SPAG9: variants seen among roughly 807,000 people sequenced by gnomAD.
SPAG9 encodes the protein C-Jun-amino-terminal kinase-interacting protein 4.
SPAG9 carries 35 observed loss-of-function variants against 166.5 expected under a neutral mutation model. The ratio of observed to expected loss-of-function variants is 0.21; its 90% CI spans 0.16 to 0.28. The LOEUF (loss-of-function observed/expected upper bound fraction) is 0.28. Among genes scored for constraint, SPAG9 ranks in the 10% least tolerant of loss-of-function variants. SPAG9 has a pLI of 1.00. For missense variants in SPAG9, 1,235 were observed against 1,603.3 expected (o/e 0.77, Z 3.92); for synonymous variants, 534 against 565.5 (o/e 0.94, Z 0.79).
At chr17:50,970,906 C>T (rs763970997) in intron 28 of SPAG9, 50 bp from the exon 29 acceptor site, 93 of 1,470,890 alleles carry the variant, frequency 6.3e-5, no homozygotes, top group Non-Finnish European at 7.1e-5. Context: ...AGAAGGGAGG[C>T]TGTTTTGTTT....
At chr17:51,014,450 T>C (rs1156348824) in intron 8 of SPAG9, 97 bp from the exon 9 acceptor site, 17 of 971,452 alleles carry the variant, frequency 1.7e-5, no homozygotes, top group Non-Finnish European at 2.4e-5. Flanking sequence ...TAGGACTTTC[T>C]TACCTATAAT....
At chr17:51,068,089 A>G (rs1448074049) in intron 2 of SPAG9, among the ~76,000 whole-genome samples, 1 of 152,236 alleles carries the variant, frequency 6.6e-6, no homozygotes, top group Non-Finnish European at 1.5e-5. Flanking sequence ...AAAAGGAATC[A>G]TCAGTTTTTA....
intron 2 of SPAG9, among the ~76,000 whole-genome samples, chr17:51,059,756 G>T (rs2047452970): frequency 6.7e-6 from 1 of 148,742 alleles, no homozygotes; most frequent in African/African-American, 2.5e-5. Flanking sequence ...GCGACAGAGT[G>T]TGACTCCATC....
At position 50,985,791 on chromosome 17, in the gene SPAG9, A is replaced by T. The variant is rs1975004449; in HGVS notation, c.2940-13T>A. On this transcript the variant is annotated splice_polypyrimidine_tract_variant and intron_variant, in intron 22 of 29. Coordinates refer to ENST00000262013, the MANE Select transcript of SPAG9 (RefSeq NM_001130528.3). ...ATGGACATACAAACTGTAAGAACAAAGTCAACACTGGTAAGGCATAGAGAA... is the reference window on the plus strand; with the variant it reads ...ATGGACATACAAACTGTAAGAACAATGTCAACACTGGTAAGGCATAGAGAA... 6.6e-7 allele frequency: 1 copy of T among 1,512,592 alleles called. No homozygotes were observed. The highest frequency in any genetic ancestry group is 9.2e-7 in the Non-Finnish European group (1 of 1,090,268). The allele number at this position is 1,512,592 out of a possible 1,614,324, so 93.7% of individuals were successfully genotyped here.
intron 2 of SPAG9, among the ~76,000 whole-genome samples, chr17:51,078,792 A>G (rs2144636005): frequency 6.6e-6 from 1 of 152,246 alleles, no homozygotes; most frequent in South Asian, 2.1e-4. Context: ...TTTTCCATTA[A>G]AAAAAGGAGC....
intron 3 of SPAG9, among the ~76,000 whole-genome samples, chr17:51,053,162 ATTAT>A (rs1318286817): frequency 4.0e-5 from 6 of 151,062 alleles, no homozygotes; most frequent in African/African-American, 1.4e-4. Context: ...AACGTTGTTT[ATTAT>A]TTATCACTAT....
chr17:51,033,224 T>C (rs2046452995), intron 5 of SPAG9, among the ~76,000 whole-genome samples: 1 of 150,886 alleles, frequency 6.6e-6, no homozygotes, highest in Non-Finnish European at 1.5e-5. Context: ...TCATCTTTAA[T>C]CATTCTCTTC....
intron 1 of SPAG9, among the ~76,000 whole-genome samples, chr17:51,087,474 C>T (rs2048334447): frequency 6.6e-6 from 1 of 152,134 alleles, no homozygotes; most frequent in South Asian, 2.1e-4. Flanking sequence ...TGGATGAAGG[C>T]TGGAGGTATA....
rs543747755 is a variant in SPAG9 at position 50,978,533 on chromosome 17, C to T, written c.3409+1213G>A. 3.4e-4 allele frequency among the ~76,000 whole-genome samples: 51 copies of T among 152,204 alleles called. No individual in the cohort carries two copies. In the East Asian group the frequency reaches 8.5e-3, roughly 25 times the overall value. ...AGACAATGATGGTCCCTGATCTTCACGGGGCTTAGGGTCTGTAGGGGAGAG... is the reference window on the plus strand; with the variant it reads ...AGACAATGATGGTCCCTGATCTTCATGGGGCTTAGGGTCTGTAGGGGAGAG... On this transcript the variant is annotated intron_variant, in intron 26 of 29. Transcript: ENST00000262013.
intron 2 of SPAG9, among the ~76,000 whole-genome samples, chr17:51,077,121 G>T (rs181241325): frequency 0.018 from 2,389 of 135,444 alleles, 22 homozygotes; most frequent in Non-Finnish European, 0.026. Flanking sequence ...TAGCTATCTA[G>T]CTAGCTATCT....
rs780237884 is a variant in SPAG9, at chr17:50,999,663, C to A, written c.1662G>T (p.Gln554His). The A allele has an allele frequency of 6.2e-7, 1 of 1,611,980 alleles. No homozygotes were observed. The change falls in exon 14 of 30, where the codon CAG (glutamine) becomes CAT (histidine). Residue 554 changes from glutamine (Q) to histidine (H), a missense_variant and splice_region_variant. By Grantham distance (24) the Gln-to-His change is conservative. Coordinates refer to ENST00000262013, the MANE Select transcript of SPAG9 (RefSeq NM_001130528.3). ...MQEKKRSSIW[Q>H]FFSRLFSSSS... ...CATCTTTGTTTTTCAATACTTACAA[C>A]TGCCAAATGCTTGACCTTTTTTTTT...
chr17:51,113,978 G>A (rs1040775812), intron 1 of SPAG9, among the ~76,000 whole-genome samples: 1 of 152,094 alleles, frequency 6.6e-6, no homozygotes, highest in African/African-American at 2.4e-5. Context: ...CTGGGCAACA[G>A]AGTGAGATCT....
At chr17:51,041,800 C>A (rs1363723039) in intron 4 of SPAG9, 149 bp from the exon 5 acceptor site, 3 of 730,162 alleles carry the variant, frequency 4.1e-6, no homozygotes, top group Admixed American at 2.7e-5. Context: ...ACAGACTTAC[C>A]AAAGAGGAAG....
rs1973212424 is a variant in SPAG9 at position 50,963,486 on chromosome 17, T to A, written c.*2786A>T. On this transcript the variant is annotated 3_prime_UTR_variant, in exon 30 of 30. Coordinates refer to ENST00000262013, the MANE Select transcript of SPAG9 (RefSeq NM_001130528.3). ...AAAGCAAATTATACAGGCATTTTTG[T>A]CCTCTCTCTGGTCCCTGCAGTTAAT... is the stretch of plus-strand genomic sequence containing the variant. 2.0e-5 allele frequency: 3 copies of A among 152,222 alleles called. No individual in the cohort carries two copies. The South Asian group carries it at 6.2e-4, about 31-fold the overall frequency. 9.4% of individuals were successfully genotyped at this position (152,222 alleles called of 1,614,324 possible). A position where few individuals can be genotyped will look rare whatever the true frequency, so the allele number is the denominator to read the frequency against.
chr17:51,112,388 A>G (rs1385867743), intron 1 of SPAG9, among the ~76,000 whole-genome samples: 2 of 150,658 alleles, frequency 1.3e-5, no homozygotes, highest in African/African-American at 2.4e-5. Flanking sequence ...AAAAAAAAAA[A>G]AAGGCCAGGC....
At chr17:50,994,505 CT>C (rs993226898) in intron 18 of SPAG9, among the ~76,000 whole-genome samples, 1 of 152,160 alleles carries the variant, frequency 6.6e-6, no homozygotes, top group Non-Finnish European at 1.5e-5. Context: ...AATCCCAGCA[CT>C]TTGGGAGGCT....
chr17:51,024,975 C>T (rs7222254), intron 6 of SPAG9, among the ~76,000 whole-genome samples: 6,434 of 149,926 alleles, frequency 0.043, 468 homozygotes, highest in African/African-American at 0.15. Context: ...GGCAAGATTG[C>T]GCCACTGCAC....
At chr17:51,071,950 CA>C (rs933032042) in intron 2 of SPAG9, among the ~76,000 whole-genome samples, 2 of 152,112 alleles carry the variant, frequency 1.3e-5, no homozygotes, top group African/African-American at 2.4e-5. Context: ...TGGCACTCAA[CA>C]AAAAAATTGC....
At chr17:51,090,302 C>T (rs544546419) in intron 1 of SPAG9, among the ~76,000 whole-genome samples, 45 of 152,174 alleles carry the variant, frequency 3.0e-4, no homozygotes, top group African/African-American at 1.0e-3. Flanking sequence ...GCAAGCAGAT[C>T]ATGAGGTCAG....
Sources: allele counts gnomAD v4.1 joint callset (sites outside exome capture counted in the v4.1 genomes callset), GRCh38; gene constraint gnomAD v4.1.1; transcripts MANE v1.5; gene names NCBI Gene and HGNC (gene_info 2026-07-23, HGNC 2026-07-21).